The following SETDB2 variants were observed in gnomAD, a reference collection of about 807,000 sequenced individuals.
SETDB2 encodes the protein SET domain bifurcated histone lysine methyltransferase 2.
A neutral mutation model predicts 82.5 loss-of-function variants in SETDB2; 56 were observed. The ratio of observed to expected loss-of-function variants is 0.68; its 90% CI spans 0.55 to 0.85. SETDB2 has a LOEUF of 0.85. Among genes scored for constraint, SETDB2 ranks in the 40% least tolerant of loss-of-function variants. The pLI is 0.00. For synonymous variants in SETDB2, 272 were observed against 284.9 expected, an observed-to-expected ratio of 0.95 and a Z score of 0.46; for missense variants, 677 against 816.4, an observed-to-expected ratio of 0.83 and a Z score of 2.08.
chr13:49,485,944 G>A (rs552293021), intron 11 of SETDB2: 14 of 635,278 alleles, frequency 2.2e-5, no homozygotes, highest in African/African-American at 1.7e-4. Flanking sequence ...TGATATTTAT[G>A]TTTTTAAATA....
At chr13:49,470,968 T>TTCTTTC (rs544662981) in intron 5 of SETDB2, among the ~76,000 whole-genome samples, 9 of 122,342 alleles carry the variant, frequency 7.4e-5, no homozygotes, top group Admixed American at 1.7e-4. Context: ...CTTTCTTTCT[T>TTCTTTC]TTTTTTTTTT....
At chr13:49,480,824 C>A in intron 7 of SETDB2, 123 bp from the exon 8 acceptor site, 1 of 896,490 alleles carries the variant, frequency 1.1e-6, no homozygotes, top group Non-Finnish European at 1.7e-6. Context: ...GGAACCCAGG[C>A]ACTCTACCTC....
chr13:49,464,733 T>C (rs1958067156), intron 4 of SETDB2, among the ~76,000 whole-genome samples: 1 of 152,118 alleles, frequency 6.6e-6, no homozygotes, highest in African/African-American at 2.4e-5. Flanking sequence ...ACTGACACTG[T>C]TGGCAAATGT....
In SETDB2 at chr13:49,476,977, T is replaced by A; in HGVS notation, c.807T>A (p.Asn269Lys). 1.9e-6 allele frequency: 3 copies of A among 1,613,158 alleles called. No homozygotes were observed. The highest frequency in any genetic ancestry group is 2.5e-6 in the Non-Finnish European group (3 of 1,179,900). ...YRKTVWPRAY[N>K]LTNFSSMFTD... ...AGACTGTGTGGCCTCGAGCATATAA[T>A]CTAACCAACTTTTCCAGCATGTTTA... The change falls in exon 6 of 14, where the codon AAT (asparagine) becomes AAA (lysine). Residue 269 changes from asparagine to lysine, a missense_variant. Physicochemically the swap from Asn to Lys is moderately conservative, Grantham distance 94 (BLOSUM62 0). Around this residue, in one of 3 missense-constraint regions of SETDB2, gnomAD observed 420 missense variants for 554.6 expected, o/e 0.76. Coordinates refer to ENST00000611815, the MANE Select transcript of SETDB2 (RefSeq NM_001160308.3).
At chr13:49,483,037 T>C in intron 9 of SETDB2, 75 bp downstream of exon 9, 1 of 888,316 alleles carries the variant, frequency 1.1e-6, no homozygotes, top group Non-Finnish European at 1.7e-6. Flanking sequence ...TTCCTTCCCC[T>C]CTTTCTTTTC....
At position 49,482,768 on chromosome 13, in the gene SETDB2, ATC is replaced by A; in HGVS notation, c.1190_1191del (p.Ser397LeufsTer4). 1 of 1,612,190 alleles carries A rather than the reference ATC, an allele frequency of 6.2e-7. No individual in the cohort carries two copies. The highest frequency in any genetic ancestry group is 8.5e-7 in the Non-Finnish European group (1 of 1,178,728). On this transcript the variant is annotated frameshift_variant, in exon 9 of 14. Transcript: ENST00000611815. LOFTEE classifies it high-confidence loss of function. Reference protein sequence around the residue: ...RLLSRANTEKSYGIDENGRDE... With the variant: ...RLLSRANTEKXYGIDENGRDE... ...TACTAAGCAGAGCTAACACTGAAAAATCTTATGGTATTGATGAAAACGGGAGA... is the reference window on the plus strand; with the variant it reads ...TACTAAGCAGAGCTAACACTGAAAAATTATGGTATTGATGAAAACGGGAGA...
chr13:49,489,592 TA>T (rs1958663007), intron 12 of SETDB2, among the ~76,000 whole-genome samples: 1 of 110,146 alleles, frequency 9.1e-6, no homozygotes, highest in Non-Finnish European at 1.8e-5. Flanking sequence ...TCATCATATT[TA>T]TTCTTTTTTT....
intron 11 of SETDB2, 192 bp from the exon 12 acceptor site, chr13:49,488,098 G>A (rs959660209): frequency 9.3e-6 from 4 of 429,124 alleles, no homozygotes; most frequent in African/African-American, 2.1e-5. Flanking sequence ...CCCAGTTCTC[G>A]TTATTGTGGG....
Position 49,467,866 on chromosome 13 carries a change from C to CTTGGTGGT in SETDB2, c.211_212insTTGGTGGT (p.Pro71LeufsTer7). The CTTGGTGGT allele has an allele frequency of 6.2e-7, 1 of 1,603,244 alleles. No individual in the cohort carries two copies. The highest frequency in any genetic ancestry group is 8.5e-7 in the Non-Finnish European group (1 of 1,175,998). ...GCTCACATTATTTTTTTGTGTAGATCCTATGCCTGTGACTCAGAAGGAACA... is the reference window on the plus strand; with the variant it reads ...GCTCACATTATTTTTTTGTGTAGATCTTGGTGGTCTATGCCTGTGACTCAGAAGGAACA... On this transcript the variant is annotated frameshift_variant, in exon 5 of 14. Coordinates refer to ENST00000611815, the MANE Select transcript of SETDB2 (RefSeq NM_001160308.3). LOFTEE classifies it high-confidence loss of function.
chr13:49,481,983 A>G (rs1958487856), intron 8 of SETDB2: 1 of 818,284 alleles, frequency 1.2e-6, no homozygotes, highest in Admixed American at 6.2e-5. Context: ...AAGCTTGCAG[A>G]GTTCAGAGTA....
chr13:49,463,401 C>A (rs1958037524), intron 4 of SETDB2, among the ~76,000 whole-genome samples: 1 of 152,160 alleles, frequency 6.6e-6, no homozygotes, highest in South Asian at 2.1e-4. Flanking sequence ...ATTGAGTGCA[C>A]TCAGACCCAG....
Position 49,488,668 on chromosome 13 carries a change from T to C in SETDB2, c.1917+38T>C, listed in dbSNP as rs755623602. 8.1e-6 allele frequency: 12 copies of C among 1,486,194 alleles called. No homozygotes were observed. In the East Asian group the frequency reaches 1.8e-4, roughly 23 times the overall value. The allele number at this position is 1,486,194 out of a possible 1,614,324, so 92.1% of individuals were successfully genotyped here. A position where few individuals can be genotyped will look rare whatever the true frequency, so the allele number is the denominator to read the frequency against. On this transcript the variant is annotated intron_variant, in intron 12 of 13. Transcript: ENST00000611815. ...GCTGAGATTCCTATTTCTGAACAAC[T>C]GTTTTTTTCTATGCTACTTAACAAA...
chr13:49,452,999 C>T (rs887818523), intron 2 of SETDB2, among the ~76,000 whole-genome samples: 2 of 152,096 alleles, frequency 1.3e-5, no homozygotes, highest in African/African-American at 4.8e-5. Flanking sequence ...CTCCCATTCC[C>T]TGCTATACTC....
intron 11 of SETDB2, 61 bp from the exon 12 acceptor site, chr13:49,488,229 A>G: frequency 6.6e-7 from 1 of 1,508,762 alleles, no homozygotes; most frequent in Non-Finnish European, 8.8e-7. Flanking sequence ...AGTGTTGTTA[A>G]TTTCAGCACT....
At chr13:49,471,912 A>C (rs1286176203) in intron 5 of SETDB2, among the ~76,000 whole-genome samples, 3 of 72,700 alleles carry the variant, frequency 4.1e-5, no homozygotes, top group Non-Finnish European at 7.6e-5. Context: ...ATCTCATGTG[A>C]CATATATATA....
At chr13:49,486,485 G>T (rs1566175665) in intron 11 of SETDB2, among the ~76,000 whole-genome samples, 2 of 152,104 alleles carry the variant, frequency 1.3e-5, no homozygotes, top group African/African-American at 4.8e-5. Context: ...TGGTCTAATT[G>T]CCAGTAGTGA....
rs141595064 is a variant in SETDB2, at chr13:49,478,428, C to T, written c.869+1389C>T. Among the ~76,000 whole-genome samples the T allele has an allele frequency of 4.6e-5, 7 of 152,196 alleles. No individual in the cohort carries two copies. In the South Asian group the frequency reaches 8.3e-4, roughly 18 times the overall value. ...AAAACCAATGGGGTCAGAGCCAAAG[C>T]GTTGGAGAAAGCACCCAATGTAGAG... On this transcript the variant is annotated intron_variant, in intron 6 of 13. Coordinates refer to ENST00000611815, the MANE Select transcript of SETDB2 (RefSeq NM_001160308.3).
chr13:49,458,290 T>A (rs935606615), intron 2 of SETDB2, among the ~76,000 whole-genome samples: 1 of 152,186 alleles, frequency 6.6e-6, no homozygotes, highest in Non-Finnish European at 1.5e-5. Flanking sequence ...TTACCCAGGC[T>A]GGTCTTGAAC....
In SETDB2 at chr13:49,482,741, A is replaced by G; in HGVS notation, c.1161A>G (p.Arg387=). ...RGTFVCIYSG[R]LLSRANTEKS... is the part of the protein sequence containing the mutation. ...TCTTTAACATTTTCCTTTTAGGAAG[A>G]TTACTAAGCAGAGCTAACACTGAAA... Residue 387 remains arginine, a synonymous_variant, in exon 9 of 14, where the codon AGA becomes AGG. Transcript: ENST00000611815. 1 of 1,599,682 alleles carries G rather than the reference A, an allele frequency of 6.3e-7. No homozygotes were observed. Among genetic ancestry groups the G allele is most frequent in the Non-Finnish European group, 8.5e-7 (1 of 1,170,398 alleles).
Sources: allele counts gnomAD v4.1 joint callset (sites outside exome capture counted in the v4.1 genomes callset), GRCh38; gene constraint gnomAD v4.1.1; regional missense constraint gnomAD v4.1.1; transcripts MANE v1.5; gene names NCBI Gene and HGNC (gene_info 2026-07-23, HGNC 2026-07-21).